FAM135B: variants seen among roughly 807,000 people sequenced by gnomAD.
FAM135B encodes protein FAM135B.
Under a neutral mutation model 127.7 loss-of-function variants are expected in FAM135B, and 43 were observed. The ratio of observed to expected loss-of-function variants is 0.34; its 90% CI spans 0.26 to 0.43. FAM135B has a LOEUF of 0.43. FAM135B is among the 20% of genes least tolerant of loss of function. FAM135B has a pLI of 1.00. For synonymous variants in FAM135B, 670 were observed against 665.1 expected, an observed-to-expected ratio of 1.01 and a Z score of -0.11; for missense variants, 1,558 against 1,725.6, an observed-to-expected ratio of 0.90 and a Z score of 1.72.
At chr8:138,445,974 A>G (rs1836132653) in intron 1 of FAM135B, among the ~76,000 whole-genome samples, 1 of 152,226 alleles carries the variant, frequency 6.6e-6, no homozygotes. Context: ...TACAAAATCA[A>G]TGTGCAAAAA....
At chr8:138,265,196 T>C (rs1025365996) in intron 4 of FAM135B, among the ~76,000 whole-genome samples, 1 of 152,212 alleles carries the variant, frequency 6.6e-6, no homozygotes, top group Non-Finnish European at 1.5e-5. Flanking sequence ...TGTGTAAGCC[T>C]TGATGAACCC....
In FAM135B at chr8:138,208,655, C is replaced by A. The variant is rs116835103; in HGVS notation, c.670-10986G>T. 5.6e-3 allele frequency among the ~76,000 whole-genome samples: 850 copies of A among 152,308 alleles called. 5 individuals carry two copies. Among genetic ancestry groups the A allele is most frequent in the Middle Eastern group, 0.024 (7 of 294 alleles). Reference sequence around the variant, plus strand: ...TCCAGGCTTTGCTCCTCCCTTTGGACAGAGACTTTGCTGCCCTCAGAGGGC... The same window carrying A: ...TCCAGGCTTTGCTCCTCCCTTTGGAAAGAGACTTTGCTGCCCTCAGAGGGC... On this transcript the variant is annotated intron_variant, in intron 7 of 19. Transcript: ENST00000395297.
At chr8:138,398,958 A>G (rs576302781) in intron 1 of FAM135B, among the ~76,000 whole-genome samples, 1 of 152,340 alleles carries the variant, frequency 6.6e-6, no homozygotes, top group African/African-American at 2.4e-5. Flanking sequence ...CAGGACTTGA[A>G]TCCAGACCAT....
At chr8:138,324,439 C>T (rs1049639639) in intron 2 of FAM135B, among the ~76,000 whole-genome samples, 3 of 152,182 alleles carry the variant, frequency 2.0e-5, no homozygotes, top group South Asian at 2.1e-4. Flanking sequence ...AAGCCATTTG[C>T]CATTTTTGCA....
rs146250034 is a variant in FAM135B at position 138,270,244 on chromosome 8, A to T, written c.158-4402T>A. Among the ~76,000 whole-genome samples, 48 of 152,310 alleles carry T rather than the reference A, an allele frequency of 3.2e-4. 1 individual carries two copies. The highest frequency in any genetic ancestry group is 1.0e-3 in the African/African-American group (43 of 41,578). ...TGGGAGATAGGCAACCATGGTCTTG[A>T]TGACTTTTCTTAAGGTTGAAAATCA... On this transcript the variant is annotated intron_variant, in intron 3 of 19. Coordinates refer to ENST00000395297, the MANE Select transcript of FAM135B (RefSeq NM_015912.4).
At chr8:138,289,692 T>C (rs1169809224) in intron 3 of FAM135B, among the ~76,000 whole-genome samples, 2 of 152,250 alleles carry the variant, frequency 1.3e-5, no homozygotes, top group African/African-American at 4.8e-5. Context: ...CCCAGTTATG[T>C]CTTATCTAGG....
chr8:138,294,292 T>C (rs1483109890), intron 3 of FAM135B, among the ~76,000 whole-genome samples: 3 of 152,084 alleles, frequency 2.0e-5, no homozygotes. Context: ...CTGGGTACCA[T>C]GTACAATACT....
At chr8:138,438,608 G>T (rs1835593827) in intron 1 of FAM135B, 1 of 152,282 alleles carries the variant, frequency 6.6e-6, no homozygotes, top group Non-Finnish European at 1.5e-5. Flanking sequence ...TACAGCACAA[G>T]CAAGGGGAAA....
chr8:138,175,171 C>G (rs1814328604), intron 11 of FAM135B, among the ~76,000 whole-genome samples: 1 of 152,108 alleles, frequency 6.6e-6, no homozygotes, highest in Admixed American at 6.6e-5. Flanking sequence ...AAAAGAAAAA[C>G]AAAAGCATTA....
At chr8:138,146,626 T>C (rs1001569649) in intron 14 of FAM135B, among the ~76,000 whole-genome samples, 3 of 151,706 alleles carry the variant, frequency 2.0e-5, no homozygotes, top group South Asian at 2.1e-4. Context: ...GGCAGAGGAA[T>C]GAAAGGTTAA....
chr8:138,363,868 A>C, intron 2 of FAM135B, among the ~76,000 whole-genome samples: 1 of 152,296 alleles, frequency 6.6e-6, no homozygotes, highest in South Asian at 2.1e-4. Context: ...CTCATAAACT[A>C]TGTAAATGAG....
At chr8:138,485,381 T>C (rs1814944472) in intron 1 of FAM135B, among the ~76,000 whole-genome samples, 1 of 152,164 alleles carries the variant, frequency 6.6e-6, no homozygotes. Context: ...AAGAGTCGCA[T>C]CGAGGTTCCT....
chr8:138,468,009 T>C (rs760024228), intron 1 of FAM135B, among the ~76,000 whole-genome samples: 3 of 152,206 alleles, frequency 2.0e-5, no homozygotes, highest in Non-Finnish European at 4.4e-5. Context: ...AAAATATGCA[T>C]ATGCATATTT....
chr8:138,463,601 C>T (rs748178447), intron 1 of FAM135B, among the ~76,000 whole-genome samples: 5 of 152,210 alleles, frequency 3.3e-5, no homozygotes, highest in East Asian at 1.9e-4. Context: ...CTGGGGTGAA[C>T]GTAAAGCGCT....
At chr8:138,472,492 G>C (rs565109606) in intron 1 of FAM135B, among the ~76,000 whole-genome samples, 7 of 152,258 alleles carry the variant, frequency 4.6e-5, no homozygotes, top group African/African-American at 1.7e-4. Context: ...TGTTTCCCTA[G>C]TGCAGGAAGT....
chr8:138,371,249 C>G (rs927444512), intron 1 of FAM135B, among the ~76,000 whole-genome samples: 1 of 152,184 alleles, frequency 6.6e-6, no homozygotes. Flanking sequence ...AGACAGCATT[C>G]AAAGTGTTTA....
chr8:138,319,031 A>G (rs528675595), intron 2 of FAM135B, among the ~76,000 whole-genome samples: 1 of 152,318 alleles, frequency 6.6e-6, no homozygotes, highest in East Asian at 1.9e-4. Flanking sequence ...GGGAAAATTA[A>G]CATTTAGTGA....
At chr8:138,355,164 T>C (rs147254125) in intron 2 of FAM135B, among the ~76,000 whole-genome samples, 327 of 152,282 alleles carry the variant, frequency 2.1e-3, no homozygotes, top group African/African-American at 7.4e-3. Flanking sequence ...AATGTAGCGA[T>C]TCCTCAGAGA....
At chr8:138,437,613 C>G (rs1835524894) in intron 1 of FAM135B, 1 of 152,214 alleles carries the variant, frequency 6.6e-6, no homozygotes, top group African/African-American at 2.4e-5. Context: ...GGCAGTTCTT[C>G]ATAGCAGTGT....
Sources: gnomAD v4.1 joint callset for allele counts (sites outside exome capture counted in the v4.1 genomes callset) on GRCh38, gnomAD v4.1.1 for gene constraint, MANE v1.5 for transcripts, NCBI Gene and HGNC (gene_info 2026-07-23, HGNC 2026-07-21) for gene names.